Variants in MYH6 observed in about 807,000 individuals in gnomAD.
MYH6 encodes myosin heavy chain 6, also known as myosin-6.
In MYH6, 126 loss-of-function variants were observed where a neutral mutation model predicts 223.2. That is an observed-to-expected ratio of 0.56 (90% CI 0.49 to 0.65). The LOEUF (loss-of-function observed/expected upper bound fraction) is 0.65, where lower values mean the gene tolerates loss of function less well. Among genes scored for constraint, MYH6 ranks in the 30% least tolerant of loss-of-function variants. MYH6 has a pLI of 0.00. For missense variants in MYH6, 2,040 were observed against 2,536.4 expected, an observed-to-expected ratio of 0.80 and a Z score of 4.20; for synonymous variants, 978 against 1,010.2, an observed-to-expected ratio of 0.97 and a Z score of 0.61.
At position 23,388,902 on chromosome 14, in the gene MYH6, C is replaced by T; in HGVS notation, c.4132G>A (p.Glu1378Lys). ...TCAGTCCGCTGAATGGCGTCCGTCT[C>T]ATACTTGGTCCTCCACTGGGCCACC... is the stretch of plus-strand genomic sequence containing the variant. Reference protein sequence around the residue: ...SEVAQWRTKYETDAIQRTEEL... With the variant: ...SEVAQWRTKYKTDAIQRTEEL... Residue 1378 changes from glutamate to lysine, a missense_variant, in exon 29 of 39, where the codon GAG (glutamate) becomes AAG (lysine). By Grantham distance (56) the Glu-to-Lys change is moderately conservative. This residue lies in a region of MYH6 where 1,203 missense variants were observed against 1,400.2 expected (regional missense o/e 0.86). Transcript: ENST00000405093. 1 of 1,613,824 alleles carries T rather than the reference C, an allele frequency of 6.2e-7. No homozygotes were observed.
At chr14:23,397,967 C>CTTT (rs1456151399) in intron 15 of MYH6, among the ~76,000 whole-genome samples, 39 of 118,622 alleles carry the variant, frequency 3.3e-4, no homozygotes, top group Non-Finnish European at 5.0e-4. Flanking sequence ...TCTTCTTCTT[C>CTTT]TTCTTCTTCT....
In MYH6 at chr14:23,391,590, C is replaced by T. The variant is rs182557025; in HGVS notation, c.3342+972G>A. Among the ~76,000 whole-genome samples the T allele has an allele frequency of 4.5e-3, 678 of 152,324 alleles. 7 individuals carry two copies. Among genetic ancestry groups the T allele is most frequent in the Middle Eastern group, 0.024 (7 of 294 alleles). ...CATTACTTGCAGCCTGGGCCATGGG[C>T]CTCAAGTGCAGAGGGGAGACTACCT... On this transcript the variant is annotated intron_variant, in intron 25 of 38. Coordinates refer to ENST00000405093, the MANE Select transcript of MYH6 (RefSeq NM_002471.4).
Position 23,390,539 on chromosome 14 carries a change from C to G in MYH6, c.3343-93G>C, listed in dbSNP as rs191166665. ...AAAGCTACCAGGAACTTAGGTTCCT[C>G]TCAAGCAGTGGTTCTCAACTAGGGG... is the stretch of plus-strand genomic sequence containing the variant. On this transcript the variant is annotated intron_variant, in intron 25 of 38. Transcript: ENST00000405093. 151 of 1,546,718 alleles carry G rather than the reference C, an allele frequency of 9.8e-5. No individual in the cohort carries two copies. In the East Asian group the frequency reaches 2.1e-3, roughly 21 times the overall value.
chr14:23,383,341 G>GGGGGGGGGGGGGCCCCCCCC, intron 36 of MYH6, 21 bp from the exon 37 acceptor site: 1 of 556,582 alleles, frequency 1.8e-6, no homozygotes, highest in Non-Finnish European at 3.3e-6. Context: ...GAGGGTGGGA[G>GGGGGGGGGGGGGCCCCCCCC]AAGCTGGTTT....
At chr14:23,397,926 CTCCTCCTCTTCTTCTTCTTCT>C (rs1891448546) in intron 15 of MYH6, among the ~76,000 whole-genome samples, 1 of 126,646 alleles carries the variant, frequency 7.9e-6, no homozygotes, top group African/African-American at 3.4e-5. Context: ...CCTCCTCCTC[CTCCTCCTCTTCTTCTTCTTCT>C]TCTTCTTCTT....
intron 7 of MYH6, 124 bp from the exon 8 acceptor site, chr14:23,404,512 T>C (rs923475323): frequency 8.2e-7 from 1 of 1,217,500 alleles, no homozygotes; most frequent in East Asian, 2.4e-5. Flanking sequence ...CGCTAGTGGG[T>C]CTGCGACTCC....
At chr14:23,386,233 C>T (rs1029422719) in intron 33 of MYH6, 82 bp downstream of exon 33, 43 of 1,612,664 alleles carry the variant, frequency 2.7e-5, no homozygotes, top group South Asian at 2.6e-4. Context: ...CAGGAGGAAT[C>T]TGGTGCCTGT....
chr14:23,405,136 A>G lies in MYH6; in HGVS notation c.503-9T>C. On this transcript the variant is annotated splice_polypyrimidine_tract_variant and intron_variant, in intron 5 of 38. Transcript: ENST00000405093. The surrounding 1 kb of genome is among the most constrained non-coding windows in gnomAD (Gnocchi z 4.7). ...GGACTGGTTCTCCCGATCTGGAAGAAAAAAGAGGAGAAGCAATGGGGTCAG... is the reference window on the plus strand; with the variant it reads ...GGACTGGTTCTCCCGATCTGGAAGAGAAAAGAGGAGAAGCAATGGGGTCAG... 2 of 1,614,048 alleles carry G rather than the reference A, an allele frequency of 1.2e-6. No individual in the cohort carries two copies. The highest frequency in any genetic ancestry group is 1.7e-6 in the Non-Finnish European group (2 of 1,180,042).
rs183862419 is a variant in MYH6 at position 23,395,558 on chromosome 14, G to A, written c.2429+726C>T. Among the ~76,000 whole-genome samples the A allele has an allele frequency of 1.7e-3, 251 of 151,206 alleles. 1 individual carries two copies. Among genetic ancestry groups the A allele is most frequent in the African/African-American group, 5.6e-3 (229 of 41,134 alleles). ...TTTTTTTTTTTTGAGATGGAGTCTC[G>A]CTCTGTCGCCCAGGCTAGAGTGCAG... On this transcript the variant is annotated intron_variant, in intron 20 of 38. Coordinates refer to ENST00000405093, the MANE Select transcript of MYH6 (RefSeq NM_002471.4).
intron 15 of MYH6, among the ~76,000 whole-genome samples, chr14:23,397,962 T>TTCC (rs1566512552): frequency 4.1e-5 from 5 of 121,488 alleles, no homozygotes; most frequent in African/African-American, 1.3e-4. Context: ...CTTCTTCTTC[T>TTCC]TCTTCTTCTT....
Position 23,393,521 on chromosome 14 carries a change from G to A in MYH6, c.2929-3C>T, listed in dbSNP as rs376752266. On this transcript the variant is annotated splice_polypyrimidine_tract_variant and splice_region_variant and intron_variant, in intron 22 of 38. Coordinates refer to ENST00000405093, the MANE Select transcript of MYH6 (RefSeq NM_002471.4). ...ATCTCCTCTGTTAGGTTCTTCACCT[G>A]CCGACCAAAAACCCATCCCCTTTAG... is the stretch of plus-strand genomic sequence containing the variant. 2.4e-5 allele frequency: 38 copies of A among 1,613,980 alleles called. No individual in the cohort carries two copies. The African/African-American group carries it at 4.0e-4, about 17-fold the overall frequency.
rs1342606995 is a variant in MYH6, at chr14:23,397,242, G to A, written c.1978C>T (p.Leu660=). 1.9e-6 allele frequency: 3 copies of A among 1,614,098 alleles called. No individual in the cohort carries two copies. The highest frequency in any genetic ancestry group is 2.7e-5 in the African/African-American group (2 of 74,940). The change falls in exon 17 of 39, where the codon CTA becomes TTA. Residue 660 remains leucine (L), a synonymous_variant. Coordinates refer to ENST00000405093, the MANE Select transcript of MYH6 (RefSeq NM_002471.4). ...TGGGTGGTCCTCAGGTTGGTCATTA[G>A]CTTGTTGAGATTTTCCTGGAGGCAG... ...SALHRENLNK[L]MTNLRTTHPH...
rs1891644201 is a variant in MYH6 at position 23,402,712 on chromosome 14, C to T, written c.987G>A (p.Glu329=). ...VSVASIDDSE[E]LMATDSAFDV... Reference sequence around the variant, plus strand: ...CCTCACTCACATCGGTGGCCATGAGCTCCTCGGAGTCATCAATGGAGGCCA... The same window carrying T: ...CCTCACTCACATCGGTGGCCATGAGTTCCTCGGAGTCATCAATGGAGGCCA... The change falls in exon 11 of 39, where the codon GAG becomes GAA. Residue 329 remains glutamate, a synonymous_variant. Coordinates refer to ENST00000405093, the MANE Select transcript of MYH6 (RefSeq NM_002471.4). 2 of 1,613,510 alleles carry T rather than the reference C, an allele frequency of 1.2e-6. No homozygotes were observed. The highest frequency in any genetic ancestry group is 1.7e-6 in the Non-Finnish European group (2 of 1,179,958).
intron 24 of MYH6, 116 bp from the exon 25 acceptor site, chr14:23,392,768 CAGAAAGTGGCGGAAGAG>C: frequency 6.8e-7 from 1 of 1,477,388 alleles, no homozygotes; most frequent in Non-Finnish European, 9.4e-7. Context: ...CTCGCCAGCC[CAGAAAGTGGCGGAAGAG>C]GGCTGTGATT....
intron 15 of MYH6, among the ~76,000 whole-genome samples, chr14:23,397,956 T>TTCTTCTTCTTCTTCTTCTTCTTCTTCC (rs1891467791): frequency 9.3e-6 from 1 of 106,956 alleles, no homozygotes; most frequent in Non-Finnish European, 1.9e-5. Context: ...CTTCTTCTTC[T>TTCTTCTTCTTCTTCTTCTTCTTCTTCC]TCTTCTTCTT....
rs1891267261 is a variant in MYH6 at position 23,392,646 on chromosome 14, C to T, written c.3258G>A (p.Glu1086=). ...LQLEEKLKKK[E]FDINQQNSKI... is the part of the protein sequence containing the mutation. ...TACTGTTCTGCTGATTAATGTCAAA[C>T]TCCTTCCTGCAGGAGAAGGGTGGGG... The change falls in exon 25 of 39, where the codon GAG becomes GAA. Residue 1086 remains glutamate, a synonymous_variant. Coordinates refer to ENST00000405093, the MANE Select transcript of MYH6 (RefSeq NM_002471.4). 6.4e-7 allele frequency: 1 copy of T among 1,572,876 alleles called. No individual in the cohort carries two copies. The highest frequency in any genetic ancestry group is 8.7e-7 in the Non-Finnish European group (1 of 1,144,434).
rs778368888 is a variant in MYH6 at position 23,386,438 on chromosome 14, C to G, written c.4836G>C (p.Glu1612Asp). ...SLDAETRSRN[E>D]VLRVKKKMEG... ...CCATCTTCTTCTTCACCCTCAGGACCTCGTTGCGGCTGCGTGTCTCTGCAT... is the reference window on the plus strand; with the variant it reads ...CCATCTTCTTCTTCACCCTCAGGACGTCGTTGCGGCTGCGTGTCTCTGCAT... Residue 1612 changes from glutamate to aspartate, a missense_variant, in exon 33 of 39, where the codon GAG (glutamate) becomes GAC (aspartate). Transcript: ENST00000405093. 19 of 1,614,086 alleles carry G rather than the reference C, an allele frequency of 1.2e-5. No individual in the cohort carries two copies. Among genetic ancestry groups the G allele is most frequent in the Non-Finnish European group, 1.5e-5 (18 of 1,180,050 alleles).
In MYH6 at chr14:23,397,682, C is replaced by G. The variant is rs1233534841; in HGVS notation, c.1892-69G>C. The G allele has an allele frequency of 2.0e-6, 3 of 1,504,268 alleles. No individual in the cohort carries two copies. The African/African-American group carries it at 4.1e-5, about 21-fold the overall frequency. The allele number at this position is 1,504,268 out of a possible 1,614,324, so 93.2% of individuals were successfully genotyped here. On this transcript the variant is annotated intron_variant, in intron 15 of 38. Coordinates refer to ENST00000405093, the MANE Select transcript of MYH6 (RefSeq NM_002471.4). Reference sequence around the variant, plus strand: ...AAGGAGCCCTTGGGCAGAGGCAGAGCTCTGCTGCTCGCTTGGTAGCTCTGA... The same window carrying G: ...AAGGAGCCCTTGGGCAGAGGCAGAGGTCTGCTGCTCGCTTGGTAGCTCTGA...
chr14:23,404,486 G>A (rs1891713705), intron 7 of MYH6, 98 bp from the exon 8 acceptor site: 1 of 1,430,610 alleles, frequency 7.0e-7, no homozygotes, highest in African/African-American at 1.4e-5. Context: ...GAATGGGGGT[G>A]CGGGGCTGGG....
Sources: allele counts gnomAD v4.1 joint callset (sites outside exome capture counted in the v4.1 genomes callset), GRCh38; gene constraint gnomAD v4.1.1; regional missense constraint gnomAD v4.1.1; non-coding constraint Gnocchi (gnomAD v3.1); transcripts MANE v1.5; gene names NCBI Gene and HGNC (gene_info 2026-07-23, HGNC 2026-07-21).